Variants in IKZF1 observed in about 807,000 individuals in gnomAD.
IKZF1 encodes the protein IKAROS family zinc finger 1.
IKZF1 carries 10 observed loss-of-function variants against 51.7 expected under a neutral mutation model. The ratio of observed to expected loss-of-function variants is 0.19; its 90% CI spans 0.12 to 0.33. The LOEUF is 0.33. IKZF1 is among the 10% of genes least tolerant of loss of function. The probability of loss-of-function intolerance (pLI) is 1.00; values close to 1 mark genes in which losing one functional copy is unlikely to be tolerated. For missense variants in IKZF1, 484 were observed against 707.5 expected, an observed-to-expected ratio of 0.68 and a Z score of 3.58; for synonymous variants, 280 against 282.3, an observed-to-expected ratio of 0.99 and a Z score of 0.08.
rs192388864 is a variant in IKZF1, at chr7:50,328,175, A to C, written c.160+418A>C. ...TCTGGCCATTTTATGTTATCCCTCT[A>C]ATCTCTAGTTCTTAAATTTCAGATT... On this transcript the variant is annotated intron_variant, in intron 3 of 7. Transcript: ENST00000331340. The C allele has an allele frequency of 1.5e-4, 23 of 155,678 alleles. No homozygotes were observed. The East Asian group carries it at 3.9e-3, about 27-fold the overall frequency. The allele number at this position is 155,678 out of a possible 1,614,324, so 9.6% of individuals were successfully genotyped here.
intron 3 of IKZF1, among the ~76,000 whole-genome samples, chr7:50,353,829 A>C (rs770118972): frequency 5.3e-5 from 8 of 152,108 alleles, no homozygotes; most frequent in Non-Finnish European, 1.0e-4. Context: ...CACATTTCTG[A>C]GGGCCCTGTG....
intron 4 of IKZF1, among the ~76,000 whole-genome samples, chr7:50,379,398 C>T (rs996018858): frequency 3.3e-5 from 5 of 152,238 alleles, no homozygotes; most frequent in African/African-American, 9.6e-5. Flanking sequence ...CATATCCCCA[C>T]GTTGGTGAAG....
chr7:50,386,573 T>C (rs1261822512), intron 5 of IKZF1, among the ~76,000 whole-genome samples: 1 of 152,136 alleles, frequency 6.6e-6, no homozygotes, highest in Non-Finnish European at 1.5e-5. Context: ...CAATATATTT[T>C]GTATTTTCTA....
At chr7:50,307,768 TAG>T (rs776576847) in intron 1 of IKZF1, among the ~76,000 whole-genome samples, 2 of 152,168 alleles carry the variant, frequency 1.3e-5, no homozygotes, top group Non-Finnish European at 2.9e-5. Context: ...CTTAGAAACG[TAG>T]AGTTTCAGAG....
chr7:50,400,816 T>A lies in IKZF1; in HGVS notation c.*189T>A. On this transcript the variant is annotated 3_prime_UTR_variant, in exon 8 of 8. Coordinates refer to ENST00000331340, the MANE Select transcript of IKZF1 (RefSeq NM_006060.6). The surrounding 1 kb of genome is among the most constrained non-coding windows in gnomAD (Gnocchi z 5.4). ...TTTGATTTGCTTTTGAAAAGATTTT[T>A]ATTTTTAGAGGCAGGGCTGCATTGG... 1.3e-6 allele frequency: 1 copy of A among 746,468 alleles called. No individual in the cohort carries two copies. The highest frequency in any genetic ancestry group is 2.1e-6 in the Non-Finnish European group (1 of 473,768). 46.2% of individuals were successfully genotyped at this position (746,468 alleles called of 1,614,324 possible).
chr7:50,344,048 A>G (rs182712767), intron 3 of IKZF1, among the ~76,000 whole-genome samples: 1 of 152,262 alleles, frequency 6.6e-6, no homozygotes, highest in African/African-American at 2.4e-5. Context: ...CCCCCAAAAA[A>G]TCCTCCAGAA....
intron 7 of IKZF1, among the ~76,000 whole-genome samples, chr7:50,396,107 T>C (rs982898832): frequency 1.3e-5 from 2 of 152,176 alleles, no homozygotes; most frequent in Non-Finnish European, 2.9e-5. Flanking sequence ...CCCTTTTTTT[T>C]CTCTTTATTT....
intron 3 of IKZF1, among the ~76,000 whole-genome samples, chr7:50,340,099 G>A (rs940603337): frequency 6.6e-6 from 1 of 152,134 alleles, no homozygotes; most frequent in Non-Finnish European, 1.5e-5. Context: ...GGATACTTTC[G>A]CAGTAAGGGC....
At chr7:50,365,112 C>T (rs1584802066) in intron 3 of IKZF1, among the ~76,000 whole-genome samples, 2 of 152,212 alleles carry the variant, frequency 1.3e-5, no homozygotes, top group African/African-American at 4.8e-5. Flanking sequence ...TTCCACAAAA[C>T]CTCTACTACC....
At chr7:50,311,974 T>C (rs1304957661) in intron 1 of IKZF1, among the ~76,000 whole-genome samples, 1 of 152,184 alleles carries the variant, frequency 6.6e-6, no homozygotes, top group African/African-American at 2.4e-5. Context: ...AAAAAAATAA[T>C]GACCTGGGGC....
chr7:50,356,952 G>T (rs1803600977), intron 3 of IKZF1, among the ~76,000 whole-genome samples: 1 of 151,954 alleles, frequency 6.6e-6, no homozygotes, highest in African/African-American at 2.4e-5. Flanking sequence ...GGAAGCTGGG[G>T]TCTCGTGGTC....
At chr7:50,368,777 G>A (rs1056874813) in intron 3 of IKZF1, 1 of 235,664 alleles carries the variant, frequency 4.2e-6, no homozygotes, top group Non-Finnish European at 8.3e-6. Context: ...AATATTTAAA[G>A]CCATACAAGT....
intron 3 of IKZF1, among the ~76,000 whole-genome samples, chr7:50,340,159 G>A (rs1798741343): frequency 6.6e-6 from 1 of 152,234 alleles, no homozygotes; most frequent in Non-Finnish European, 1.5e-5. Context: ...TACCTCCACT[G>A]TGGAAGGGCT....
chr7:50,350,911 C>A (rs901953403), intron 3 of IKZF1, among the ~76,000 whole-genome samples: 8 of 152,220 alleles, frequency 5.3e-5, no homozygotes, highest in African/African-American at 1.9e-4. Context: ...GCCAAGGACC[C>A]AGGGAGCCAA....
Position 50,352,721 on chromosome 7 carries a change from G to A in IKZF1, c.161-23812G>A, listed in dbSNP as rs572498693. ...TTCAGTTTTTTCATTTTAAGTTTTT[G>A]TTGTGCTTCTATCACTTAAAGGAAG... On this transcript the variant is annotated intron_variant, in intron 3 of 7. Transcript: ENST00000331340. Among the ~76,000 whole-genome samples, 9 of 152,218 alleles carry A rather than the reference G, an allele frequency of 5.9e-5. No homozygotes were observed. The East Asian group carries it at 1.2e-3, about 20-fold the overall frequency.
chr7:50,396,538 G>A (rs1310130916), intron 7 of IKZF1, among the ~76,000 whole-genome samples: 1 of 152,092 alleles, frequency 6.6e-6, no homozygotes, highest in East Asian at 1.9e-4. Context: ...TTTTCCCCTA[G>A]GAGGGACTCT....
At chr7:50,341,912 G>C (rs1799157611) in intron 3 of IKZF1, among the ~76,000 whole-genome samples, 1 of 151,370 alleles carries the variant, frequency 6.6e-6, no homozygotes, top group African/African-American at 2.4e-5. Flanking sequence ...GCAGCTAGGG[G>C]TTACCTATTG....
At position 50,404,126 on chromosome 7, in the gene IKZF1, T is replaced by C. The variant is rs1428816625; in HGVS notation, c.*3499T>C. ...CTCACTGTGAACATGTGTAACCACA[T>C]ATTAATATGCAATATTGTTTCCAAT... On this transcript the variant is annotated 3_prime_UTR_variant, in exon 8 of 8. Coordinates refer to ENST00000331340, the MANE Select transcript of IKZF1 (RefSeq NM_006060.6). The C allele has an allele frequency of 3.7e-5, 8 of 215,156 alleles. No homozygotes were observed. Among genetic ancestry groups the C allele is most frequent in the African/African-American group, 6.8e-5 (3 of 44,370 alleles). The allele number at this position is 215,156 out of a possible 1,614,324, so 13.3% of individuals were successfully genotyped here.
chr7:50,328,015 C>T (rs963098011), intron 3 of IKZF1: 11 of 430,230 alleles, frequency 2.6e-5, no homozygotes, highest in South Asian at 6.6e-5. Context: ...CCCAGGGACG[C>T]GTCTCTGTCA....
Sources: gnomAD v4.1 joint callset for allele counts (sites outside exome capture counted in the v4.1 genomes callset) on GRCh38, gnomAD v4.1.1 for gene constraint, Gnocchi (gnomAD v3.1) non-coding constraint, MANE v1.5 for transcripts, NCBI Gene and HGNC (gene_info 2026-07-23, HGNC 2026-07-21) for gene names.